UNC13C: variants seen among roughly 807,000 people sequenced by gnomAD.
UNC13C encodes unc-13 homolog C.
A neutral mutation model predicts 245.4 loss-of-function variants in UNC13C; 174 were observed. The observed-to-expected ratio is 0.71, with a 90% CI of 0.63 to 0.80. The LOEUF is 0.80. Among genes scored for constraint, UNC13C ranks in the 30% least tolerant of loss-of-function variants. The pLI, the probability that UNC13C is intolerant of heterozygous loss-of-function variation, is 0.00. For missense variants in UNC13C, 2,829 were observed against 2,602.9 expected (o/e 1.09, Z -1.89); for synonymous variants, 992 against 895.1 (o/e 1.11, Z -1.93).
At chr15:54,049,977 T>G (rs2141050892) in intron 2 of UNC13C, 1 of 215,954 alleles carries the variant, frequency 4.6e-6, no homozygotes, top group South Asian at 6.8e-5. Flanking sequence ...ATCGAAGAGG[T>G]TTCTTTTTGT....
intron 19 of UNC13C, among the ~76,000 whole-genome samples, chr15:54,449,199 C>T (rs1891013240): frequency 6.6e-6 from 1 of 152,118 alleles, no homozygotes; most frequent in African/African-American, 2.4e-5. Context: ...TCTCTGGCTG[C>T]CCTTAAAATT....
the UNC13C span, among the ~76,000 whole-genome samples, chr15:53,930,387 C>A: frequency 1.3e-5 from 2 of 152,278 alleles, no homozygotes; most frequent in South Asian, 4.1e-4. Flanking sequence ...ATAATCTTTA[C>A]CTCTTGATGG....
chr15:53,918,093 C>T, the UNC13C span, among the ~76,000 whole-genome samples: 1 of 152,164 alleles, frequency 6.6e-6, no homozygotes, highest in Non-Finnish European at 1.5e-5. Context: ...ATTTTATTTG[C>T]TTAAAATGTG....
Position 54,015,663 on chromosome 15 carries a change from G to A in UNC13C, c.2760G>A (p.Glu920=), listed in dbSNP as rs1257429362. ...YETPYETPQD[E]GYDGPADDMV... is the part of the protein sequence containing the mutation. ...CACCTTATGAAACCCCACAAGATGA[G>A]GGTTATGATGGTCCAGCAGATGATA... Residue 920 remains glutamate, a synonymous_variant, in exon 2 of 33, where the codon GAG becomes GAA. Transcript: ENST00000260323. The A allele has an allele frequency of 1.9e-6, 3 of 1,613,590 alleles. No homozygotes were observed. The highest frequency in any genetic ancestry group is 1.3e-5 in the African/African-American group (1 of 74,910).
chr15:53,862,143 A>C, the UNC13C span, among the ~76,000 whole-genome samples: 1 of 152,226 alleles, frequency 6.6e-6, no homozygotes, highest in African/African-American at 2.4e-5. Flanking sequence ...AAAGGGCTCT[A>C]TTCCTGGCTT....
At chr15:54,282,303 G>A (rs2037018401) in intron 10 of UNC13C, among the ~76,000 whole-genome samples, 1 of 152,084 alleles carries the variant, frequency 6.6e-6, no homozygotes, top group Non-Finnish European at 1.5e-5. Context: ...AATTCAATAT[G>A]TATATATGTG....
intron 25 of UNC13C, among the ~76,000 whole-genome samples, chr15:54,531,114 A>G (rs1895718363): frequency 6.6e-6 from 1 of 152,156 alleles, no homozygotes; most frequent in Non-Finnish European, 1.5e-5. Context: ...TTGGATGTTG[A>G]GTATGAGAAA....
intron 30 of UNC13C, among the ~76,000 whole-genome samples, chr15:54,576,615 T>G (rs1897965894): frequency 6.6e-6 from 1 of 152,010 alleles, no homozygotes; most frequent in African/African-American, 2.4e-5. Context: ...TGTAAGAAAA[T>G]ACATCCTGCT....
chr15:54,577,067 G>A (rs1897984272), intron 30 of UNC13C, among the ~76,000 whole-genome samples: 5 of 152,150 alleles, frequency 3.3e-5, no homozygotes, highest in South Asian at 2.1e-4. Flanking sequence ...AAGTGTGTAT[G>A]AGTATGTGTG....
At chr15:53,880,379 A>G in the UNC13C span, among the ~76,000 whole-genome samples, 1 of 152,260 alleles carries the variant, frequency 6.6e-6, no homozygotes, top group Non-Finnish European at 1.5e-5. Context: ...CAAAGAAGTT[A>G]ACTTGTGTTG....
At chr15:54,229,426 C>T (rs573662912) in intron 4 of UNC13C, among the ~76,000 whole-genome samples, 49 of 152,254 alleles carry the variant, frequency 3.2e-4, no homozygotes, top group Admixed American at 1.0e-3. Context: ...TCTATTCAGC[C>T]ATGTTGCTCC....
intron 2 of UNC13C, among the ~76,000 whole-genome samples, chr15:54,126,903 A>G (rs926984283): frequency 6.6e-6 from 1 of 152,246 alleles, no homozygotes; most frequent in Non-Finnish European, 1.5e-5. Flanking sequence ...AAGGATATGA[A>G]CAGACACTTC....
At chr15:54,604,259 G>A (rs569622510) in intron 30 of UNC13C, among the ~76,000 whole-genome samples, 3 of 152,304 alleles carry the variant, frequency 2.0e-5, no homozygotes, top group African/African-American at 7.2e-5. Flanking sequence ...ATGAGTTAAA[G>A]AATGTATAAT....
At chr15:54,227,439 C>G (rs989215206) in intron 4 of UNC13C, among the ~76,000 whole-genome samples, 13 of 152,190 alleles carry the variant, frequency 8.5e-5, no homozygotes, top group Admixed American at 8.5e-4. Flanking sequence ...ATTCATGGCA[C>G]CCAGGCTGCT....
the UNC13C span, among the ~76,000 whole-genome samples, chr15:53,961,462 C>T: frequency 6.6e-6 from 1 of 152,208 alleles, no homozygotes; most frequent in East Asian, 1.9e-4. Context: ...CATTATGATT[C>T]TTTTGTCAGT....
At chr15:53,983,726 C>T (rs953595493) in intron 1 of UNC13C, among the ~76,000 whole-genome samples, 3 of 151,812 alleles carry the variant, frequency 2.0e-5, no homozygotes, top group Admixed American at 6.6e-5. Flanking sequence ...CTTTTTGTCT[C>T]GGTGACCTGA....
chr15:54,418,384 G>A (rs1367808982), intron 19 of UNC13C, among the ~76,000 whole-genome samples: 1 of 152,078 alleles, frequency 6.6e-6, no homozygotes, highest in Non-Finnish European at 1.5e-5. Flanking sequence ...GTTTTAGTGG[G>A]GAAATGGAGA....
chr15:54,459,607 G>T (rs974184102), intron 19 of UNC13C, among the ~76,000 whole-genome samples: 1 of 151,520 alleles, frequency 6.6e-6, no homozygotes, highest in African/African-American at 2.4e-5. Flanking sequence ...TTGTTTCTTT[G>T]TCTTTGTCAG....
At chr15:54,111,079 T>C (rs1900745715) in intron 2 of UNC13C, among the ~76,000 whole-genome samples, 1 of 152,218 alleles carries the variant, frequency 6.6e-6, no homozygotes, top group African/African-American at 2.4e-5. Context: ...CTTTTCCTTC[T>C]TCCCTGACTT....
Sources: gnomAD v4.1 joint callset for allele counts (sites outside exome capture counted in the v4.1 genomes callset) on GRCh38, gnomAD v4.1.1 for gene constraint, MANE v1.5 for transcripts, NCBI Gene and HGNC (gene_info 2026-07-23, HGNC 2026-07-21) for gene names.